Variants in FBXO15 observed in about 807,000 individuals in gnomAD.
FBXO15 encodes F-box only protein 15.
Under a neutral mutation model 49.5 loss-of-function variants are expected in FBXO15, and 30 were observed. The ratio of observed to expected loss-of-function variants is 0.61; its 90% CI spans 0.45 to 0.82. The LOEUF (loss-of-function observed/expected upper bound fraction) is 0.82, where lower values mean the gene tolerates loss of function less well. Ranked by LOEUF, FBXO15 falls within the 40% of genes least tolerant of loss-of-function variation. The pLI is 0.00. For synonymous variants in FBXO15, 250 were observed against 232.7 expected (o/e 1.07, Z -0.68); for missense variants, 591 against 631.5 (o/e 0.94, Z 0.69).
At chr18:74,079,292 A>C (rs1158899410) in intron 9 of FBXO15, among the ~76,000 whole-genome samples, 1 of 152,208 alleles carries the variant, frequency 6.6e-6, no homozygotes, top group Non-Finnish European at 1.5e-5. Context: ...TATGCTGAAG[A>C]CTGCAGCAAG....
chr18:74,141,544 A>C (rs1377379306), intron 1 of FBXO15, among the ~76,000 whole-genome samples: 1 of 152,220 alleles, frequency 6.6e-6, no homozygotes, highest in African/African-American at 2.4e-5. Flanking sequence ...CCAATTCCCC[A>C]GATATAGTTG....
chr18:74,104,154 AT>A (rs1203612562), intron 8 of FBXO15, among the ~76,000 whole-genome samples: 1 of 151,750 alleles, frequency 6.6e-6, no homozygotes, highest in African/African-American at 2.4e-5. Context: ...AAAGTATGTA[AT>A]TTTTTTCTCA....
chr18:74,123,132 C>T, intron 8 of FBXO15: 1 of 420,884 alleles, frequency 2.4e-6, no homozygotes, highest in Non-Finnish European at 4.2e-6. Flanking sequence ...GTAGGGGCTA[C>T]CCCCAGAAGG....
intron 8 of FBXO15, among the ~76,000 whole-genome samples, chr18:74,086,630 T>A (rs1412790605): frequency 6.6e-6 from 1 of 152,212 alleles, no homozygotes; most frequent in Non-Finnish European, 1.5e-5. Flanking sequence ...CAGAATGGTC[T>A]CGATCTCCTG....
At chr18:74,134,686 A>G (rs1343835016) in intron 3 of FBXO15, among the ~76,000 whole-genome samples, 1 of 152,150 alleles carries the variant, frequency 6.6e-6, no homozygotes, top group Non-Finnish European at 1.5e-5. Flanking sequence ...TTTAAAATAC[A>G]GATTTCAGAG....
At chr18:74,089,824 T>C (rs143407043) in intron 8 of FBXO15, among the ~76,000 whole-genome samples, 69 of 152,308 alleles carry the variant, frequency 4.5e-4, no homozygotes, top group African/African-American at 1.5e-3. Context: ...TTTGCTAGTA[T>C]TTTGTTGAGG....
At chr18:74,118,725 A>C (rs2145180337) in intron 8 of FBXO15, among the ~76,000 whole-genome samples, 1 of 152,310 alleles carries the variant, frequency 6.6e-6, no homozygotes, top group Non-Finnish European at 1.5e-5. Context: ...GAAATGGCAC[A>C]AGTTCCTGAT....
chr18:74,089,152 G>T (rs1349003000), intron 8 of FBXO15, among the ~76,000 whole-genome samples: 1 of 151,980 alleles, frequency 6.6e-6, no homozygotes, highest in Non-Finnish European at 1.5e-5. Flanking sequence ...CCCCTCGACA[G>T]GCCCCAGTGT....
intron 9 of FBXO15, among the ~76,000 whole-genome samples, chr18:74,076,965 C>G (rs1271247553): frequency 6.6e-6 from 1 of 152,198 alleles, no homozygotes; most frequent in Admixed American, 6.5e-5. Context: ...AGTTCGAATA[C>G]CAGTCCCTTG....
intron 8 of FBXO15, among the ~76,000 whole-genome samples, chr18:74,085,090 A>G (rs1490034595): frequency 6.6e-6 from 1 of 152,152 alleles, no homozygotes; most frequent in Non-Finnish European, 1.5e-5. Flanking sequence ...AGTTTCACAC[A>G]ATCACAAGCA....
At chr18:74,082,383 A>G (rs1912541050) in intron 8 of FBXO15, among the ~76,000 whole-genome samples, 1 of 152,260 alleles carries the variant, frequency 6.6e-6, no homozygotes, top group African/African-American at 2.4e-5. Context: ...GGGTAAGCCA[A>G]CAGTGTTGGA....
intron 8 of FBXO15, among the ~76,000 whole-genome samples, chr18:74,095,161 A>G (rs772340407): frequency 6.6e-6 from 1 of 152,220 alleles, no homozygotes; most frequent in Non-Finnish European, 1.5e-5. Flanking sequence ...TGGATCTTCC[A>G]TTCAACAACT....
At chr18:74,144,698 GTTAAA>G (rs1207584477) in intron 1 of FBXO15, among the ~76,000 whole-genome samples, 2 of 152,140 alleles carry the variant, frequency 1.3e-5, no homozygotes, top group Non-Finnish European at 2.9e-5. Flanking sequence ...TTATTTACCA[GTTAAA>G]TTATTTAACA....
rs918614473 is a variant in FBXO15, at chr18:74,075,435, C to A, written c.1264-1705G>T. 2.0e-5 allele frequency among the ~76,000 whole-genome samples: 3 copies of A among 152,202 alleles called. No individual in the cohort carries two copies. The highest frequency in any genetic ancestry group is 7.2e-5 in the African/African-American group (3 of 41,452). On this transcript the variant is annotated intron_variant, in intron 9 of 9. Transcript: ENST00000419743. The surrounding 1 kb of genome is among the most constrained non-coding windows in gnomAD (Gnocchi z 4.1). ...CAAGTGACTACTTCTGTCCTCCCAT[C>A]AGCTTTTAGTCTTTAACACATTCAA...
intron 1 of FBXO15, among the ~76,000 whole-genome samples, chr18:74,145,594 CTT>C (rs760823560): frequency 0.027 from 2,620 of 95,926 alleles, 27 homozygotes; most frequent in African/African-American, 0.12. Flanking sequence ...ACCAACTGCA[CTT>C]TTTTTTTTTT....
chr18:74,102,137 C>CT (rs1215153940), intron 8 of FBXO15, among the ~76,000 whole-genome samples: 4 of 151,974 alleles, frequency 2.6e-5, no homozygotes, highest in Admixed American at 1.3e-4. Context: ...AACTAAAGAG[C>CT]TTTTTCACGG....
chr18:74,073,870 C>G, intron 9 of FBXO15, 140 bp from the exon 10 acceptor site: 1 of 1,043,336 alleles, frequency 9.6e-7, no homozygotes, highest in South Asian at 1.6e-5. Context: ...TTTTTCATGG[C>G]CTACTTCATA....
chr18:74,116,436 G>A (rs1469150561), intron 8 of FBXO15, among the ~76,000 whole-genome samples: 1 of 152,130 alleles, frequency 6.6e-6, no homozygotes, highest in Non-Finnish European at 1.5e-5. Flanking sequence ...CAATGACTTG[G>A]TGGACTTAAT....
At position 74,123,401 on chromosome 18, in the gene FBXO15, A is replaced by G. The variant is rs1267222362; in HGVS notation, c.1105T>C (p.Cys369Arg). The G allele has an allele frequency of 1.2e-6, 2 of 1,613,862 alleles. No homozygotes were observed. The highest frequency in any genetic ancestry group is 1.7e-6 in the Non-Finnish European group (2 of 1,179,910). Residue 369 changes from cysteine to arginine, a missense_variant, in exon 8 of 10, where the codon TGT becomes CGT. Physicochemically the swap from Cys to Arg is radical, Grantham distance 180. Coordinates refer to ENST00000419743, the MANE Select transcript of FBXO15 (RefSeq NM_001142958.2). ...DLHSGGVFYL[C>R]GTFRNLFTKR... ...GTGAAGAGATTGCGAAATGTACCAC[A>G]TAGGTAGAAAACCCCACCGCTGTGC...
Sources: gnomAD v4.1 joint callset for allele counts (sites outside exome capture counted in the v4.1 genomes callset) on GRCh38, gnomAD v4.1.1 for gene constraint, Gnocchi (gnomAD v3.1) non-coding constraint, MANE v1.5 for transcripts, NCBI Gene and HGNC (gene_info 2026-07-23, HGNC 2026-07-21) for gene names.